DRG2: variants seen among roughly 807,000 people sequenced by gnomAD.
DRG2 encodes developmentally-regulated GTP-binding protein 2.
In DRG2, 36 loss-of-function variants were observed where a neutral mutation model predicts 53.4. The observed-to-expected ratio is 0.67, with a 90% CI of 0.52 to 0.89. The LOEUF (loss-of-function observed/expected upper bound fraction) is 0.89, where lower values mean the gene tolerates loss of function less well. Ranked by LOEUF, DRG2 falls within the 40% of genes least tolerant of loss-of-function variation. DRG2 has a pLI of 0.00. For synonymous variants in DRG2, 167 were observed against 192.1 expected, an observed-to-expected ratio of 0.87 and a Z score of 1.08; for missense variants, 342 against 481.2, an observed-to-expected ratio of 0.71 and a Z score of 2.71.
chr17:18,098,457 C>T lies in DRG2; in HGVS notation c.315+98C>T. The T allele has an allele frequency of 5.4e-6, 6 of 1,103,352 alleles. No individual in the cohort carries two copies. Among genetic ancestry groups the T allele is most frequent in the Non-Finnish European group, 8.3e-6 (6 of 725,702 alleles). 68.3% of individuals were successfully genotyped at this position (1,103,352 alleles called of 1,614,324 possible). ...TGTGTGTGAGTCTGGGTGGATGTCC[C>T]CATGTCAGGACAGGCTCTGGACTGA... is the stretch of plus-strand genomic sequence containing the variant. On this transcript the variant is annotated intron_variant, in intron 3 of 12. Coordinates refer to ENST00000225729, the MANE Select transcript of DRG2 (RefSeq NM_001388.5). This position sits in a 1 kb window ranked among gnomAD's most constrained non-coding sequence, Gnocchi z 4.1.
At position 18,099,944 on chromosome 17, in the gene DRG2, G is replaced by C; in HGVS notation, c.467+221G>C. The C allele has an allele frequency of 1.7e-6, 1 of 606,002 alleles. No homozygotes were observed. The highest frequency in any genetic ancestry group is 2.9e-6 in the Non-Finnish European group (1 of 343,186). The allele number at this position is 606,002 out of a possible 1,614,324, so 37.5% of individuals were successfully genotyped here. A position where few individuals can be genotyped will look rare whatever the true frequency, so the allele number is the denominator to read the frequency against. ...GTATCTTGGGACTGGGGGCCGAGGG[G>C]CTTGGCCTGGCCCTGCTTCCTGTTC... On this transcript the variant is annotated intron_variant, in intron 5 of 12. Coordinates refer to ENST00000225729, the MANE Select transcript of DRG2 (RefSeq NM_001388.5). This position sits in a 1 kb window ranked among gnomAD's most constrained non-coding sequence, Gnocchi z 4.4.
At chr17:18,101,665 T>C in intron 8 of DRG2, 75 bp downstream of exon 8, 3 of 1,448,848 alleles carry the variant, frequency 2.1e-6, no homozygotes, top group Middle Eastern at 1.8e-4. Context: ...TCCCGGAACC[T>C]TGTGAGAGAA....
At position 18,106,392 on chromosome 17, in the gene DRG2, T is replaced by C. The variant is rs1280701979; in HGVS notation, c.955-41T>C. 1.9e-6 allele frequency: 3 copies of C among 1,612,760 alleles called. No individual in the cohort carries two copies. In the East Asian group the frequency reaches 6.7e-5, roughly 36 times the overall value. On this transcript the variant is annotated intron_variant, in intron 11 of 12. Coordinates refer to ENST00000225729, the MANE Select transcript of DRG2 (RefSeq NM_001388.5). ...CAGCCAAGCTTGGGATGGGGTTAGGTGAAGCCTCACCTCTCTACCTGACTC... is the reference window on the plus strand; with the variant it reads ...CAGCCAAGCTTGGGATGGGGTTAGGCGAAGCCTCACCTCTCTACCTGACTC...
At chr17:18,090,399 TA>T (rs1567598128) in intron 1 of DRG2, among the ~76,000 whole-genome samples, 20 of 15,856 alleles carry the variant, frequency 1.3e-3, no homozygotes, top group African/African-American at 7.8e-3. Flanking sequence ...TATATATATA[TA>T]TATATATTTT....
chr17:18,088,120 G>T (rs2045248013), intron 1 of DRG2, 33 bp downstream of exon 1: 8 of 1,533,600 alleles, frequency 5.2e-6, no homozygotes, highest in Non-Finnish European at 6.1e-6. Context: ...CTTCCTTTCT[G>T]CCTGCCTCAG....
chr17:18,097,558 G>A (rs1375179948), intron 2 of DRG2: 1 of 152,190 alleles, frequency 6.6e-6, no homozygotes, highest in Non-Finnish European at 1.5e-5. Context: ...TGTTTGGAGT[G>A]AGGCACATCC....
intron 8 of DRG2, 151 bp downstream of exon 8, chr17:18,101,741 CAT>C (rs2045540653): frequency 9.3e-7 from 1 of 1,078,922 alleles, no homozygotes; most frequent in African/African-American, 1.6e-5. Context: ...ATCTTGCAGA[CAT>C]AGAGAGCTTG....
Position 18,100,678 on chromosome 17 carries a change from C to T in DRG2, c.631+19C>T, listed in dbSNP as rs1222130902. On this transcript the variant is annotated intron_variant, in intron 7 of 12. Coordinates refer to ENST00000225729, the MANE Select transcript of DRG2 (RefSeq NM_001388.5). The surrounding 1 kb of genome is among the most constrained non-coding windows in gnomAD (Gnocchi z 4.1). ...GAATACAGTATCCTTCCCTGAAAGACACGTGAAGGAGGGCAGCCACCACCG... is the reference window on the plus strand; with the variant it reads ...GAATACAGTATCCTTCCCTGAAAGATACGTGAAGGAGGGCAGCCACCACCG... The T allele has an allele frequency of 1.2e-6, 2 of 1,607,150 alleles. No homozygotes were observed. The highest frequency in any genetic ancestry group is 1.7e-6 in the Non-Finnish European group (2 of 1,176,578).
At chr17:18,104,455 G>T (rs1181272418) in intron 10 of DRG2, 168 bp from the exon 11 acceptor site, 26 of 1,381,406 alleles carry the variant, frequency 1.9e-5, no homozygotes, top group South Asian at 6.0e-5. Flanking sequence ...GGTCGTAGAA[G>T]ATGGTACAGG....
chr17:18,089,298 C>T (rs997816516), intron 1 of DRG2, among the ~76,000 whole-genome samples: 2 of 152,222 alleles, frequency 1.3e-5, no homozygotes, highest in East Asian at 3.9e-4. Context: ...CCACCACACC[C>T]GGCTAATTTT....
intron 2 of DRG2, chr17:18,097,063 T>G (rs2045445916): frequency 6.6e-6 from 1 of 152,220 alleles, no homozygotes; most frequent in South Asian, 2.1e-4. Flanking sequence ...AGATCCCACC[T>G]GCCTTATTGG....
Position 18,093,805 on chromosome 17 carries a change from T to C in DRG2, c.65-8T>C. The stretch of plus-strand genomic sequence containing the variant: ...CACTCATCTTCTGTCTTGCTTTCCA[T>C]CCTTTAGCCACTGAGTATCATCTGG... On this transcript the variant is annotated splice_region_variant and splice_polypyrimidine_tract_variant and intron_variant, in intron 1 of 12. Transcript: ENST00000225729. 1 of 1,613,004 alleles carries C rather than the reference T, an allele frequency of 6.2e-7. No individual in the cohort carries two copies. The highest frequency in any genetic ancestry group is 1.1e-5 in the South Asian group (1 of 91,002).
intron 2 of DRG2, chr17:18,096,236 G>C (rs969227297): frequency 6.6e-6 from 1 of 152,184 alleles, no homozygotes; most frequent in East Asian, 1.9e-4. Flanking sequence ...CCCTTGCCAT[G>C]CCGCTTTGGG....
chr17:18,098,077 G>C lies in DRG2; in HGVS notation c.226-193G>C, dbSNP rs2045463870. On this transcript the variant is annotated intron_variant, in intron 2 of 12. Transcript: ENST00000225729. This position sits in a 1 kb window ranked among gnomAD's most constrained non-coding sequence, Gnocchi z 4.1. ...TCCAAGGAACAGATGGGCCTCTGGT[G>C]TCTGACCCATCCAGGACAGGGCCAG... 1.8e-6 allele frequency: 1 copy of C among 546,876 alleles called. No homozygotes were observed. The highest frequency in any genetic ancestry group is 3.4e-6 in the Non-Finnish European group (1 of 298,022). 33.9% of individuals were successfully genotyped at this position (546,876 alleles called of 1,614,324 possible).
rs762890057 is a variant in DRG2, at chr17:18,106,474, C to T, written c.996C>T (p.Tyr332=). The change falls in exon 12 of 13, where the codon TAC becomes TAT. Residue 332 remains tyrosine, a synonymous_variant. Coordinates refer to ENST00000225729, the MANE Select transcript of DRG2 (RefSeq NM_001388.5). ...GGTCACTCGCCAGCCAGTTCAAGTA[C>T]GCCCTGGTGTGGGTGAGTCTCTGGG... The part of the protein sequence containing the change: ...IHRSLASQFK[Y]ALVWGTSTKY... The T allele has an allele frequency of 2.2e-5, 36 of 1,613,966 alleles. 1 individual carries two copies. The highest frequency in any genetic ancestry group is 6.7e-5 in the African/African-American group (5 of 75,016).
chr17:18,089,186 T>A (rs1315992928), intron 1 of DRG2, among the ~76,000 whole-genome samples: 1 of 152,226 alleles, frequency 6.6e-6, no homozygotes, highest in Non-Finnish European at 1.5e-5. Context: ...TCACCCAGGC[T>A]AGAGTGCAGT....
At chr17:18,106,604 G>T in intron 12 of DRG2, 118 bp downstream of exon 12, 1 of 1,148,378 alleles carries the variant, frequency 8.7e-7, no homozygotes. Flanking sequence ...GTGGGGATTG[G>T]CATGTCTGTG....
rs2045510663 is a variant in DRG2, at chr17:18,100,408, C to T, written c.513C>T (p.Asn171=). ...KELESVGIRL[N]KHKPNIYFKP... is the part of the protein sequence containing the mutation. The stretch of plus-strand genomic sequence containing the variant: ...TGGAGTCTGTGGGCATCCGCCTCAA[C>T]AAGCACAAGCCTAACATCTACTTCA... Residue 171 remains asparagine, a synonymous_variant, in exon 6 of 13, where the codon AAC becomes AAT. Coordinates refer to ENST00000225729, the MANE Select transcript of DRG2 (RefSeq NM_001388.5). This position sits in a 1 kb window ranked among gnomAD's most constrained non-coding sequence, Gnocchi z 4.1. The T allele has an allele frequency of 6.2e-7, 1 of 1,614,226 alleles. No individual in the cohort carries two copies. Among genetic ancestry groups the T allele is most frequent in the Non-Finnish European group, 8.5e-7 (1 of 1,180,038 alleles).
At chr17:18,090,850 T>C (rs1816538778) in intron 1 of DRG2, among the ~76,000 whole-genome samples, 1 of 151,726 alleles carries the variant, frequency 6.6e-6, no homozygotes, top group Admixed American at 6.6e-5. Context: ...TTTATGTTTT[T>C]TGTAGAGGCA....
Sources: allele counts gnomAD v4.1 joint callset (sites outside exome capture counted in the v4.1 genomes callset), GRCh38; gene constraint gnomAD v4.1.1; non-coding constraint Gnocchi (gnomAD v3.1); transcripts MANE v1.5; gene names NCBI Gene and HGNC (gene_info 2026-07-23, HGNC 2026-07-21).